CDH13: variants seen among roughly 807,000 people sequenced by gnomAD.
CDH13 encodes cadherin-13.
In CDH13, 24 loss-of-function variants were observed where a neutral mutation model predicts 63.8. The observed-to-expected ratio is 0.38, with a 90% CI of 0.27 to 0.53. CDH13 has a LOEUF of 0.53. CDH13 is among the 20% of genes least tolerant of loss of function. CDH13 has a pLI of 0.85. For missense variants in CDH13, 1,049 were observed against 903.1 expected, an observed-to-expected ratio of 1.16 and a Z score of -2.07; for synonymous variants, 503 against 355.3, an observed-to-expected ratio of 1.42 and a Z score of -4.67.
At position 83,795,059 on chromosome 16, in the gene CDH13, C is replaced by G. The variant is rs770079983; in HGVS notation, c.*29C>G. 15 of 1,573,738 alleles carry G rather than the reference C, an allele frequency of 9.5e-6. No homozygotes were observed. Among genetic ancestry groups the G allele is most frequent in the African/African-American group, 1.4e-5 (1 of 73,784 alleles). The stretch of plus-strand genomic sequence containing the variant: ...CTCCTGACGTCTGAAGCTTGACTCC[C>G]AAGTTTCCATAGCAACAGGAAAAAA... On this transcript the variant is annotated 3_prime_UTR_variant, in exon 14 of 14. Coordinates refer to ENST00000567109, the MANE Select transcript of CDH13 (RefSeq NM_001257.5).
At chr16:83,520,154 A>G (rs2074795618) in intron 7 of CDH13, among the ~76,000 whole-genome samples, 3 of 152,296 alleles carry the variant, frequency 2.0e-5, no homozygotes, top group Middle Eastern at 6.8e-3. Flanking sequence ...GAAACAATAC[A>G]TATGACTTCT....
chr16:83,218,933 C>G (rs942804054), intron 5 of CDH13, among the ~76,000 whole-genome samples: 1 of 152,134 alleles, frequency 6.6e-6, no homozygotes, highest in African/African-American at 2.4e-5. Context: ...TCTTGCCCAC[C>G]GTGTAAGAAG....
intron 6 of CDH13, among the ~76,000 whole-genome samples, chr16:83,428,531 C>G (rs1329778903): frequency 6.6e-6 from 1 of 152,032 alleles, no homozygotes; most frequent in African/African-American, 2.4e-5. Context: ...CTTTTCATAA[C>G]TTGTGATGTT....
At chr16:82,683,915 T>C (rs1914805432) in intron 1 of CDH13, among the ~76,000 whole-genome samples, 1 of 152,250 alleles carries the variant, frequency 6.6e-6, no homozygotes. Context: ...CTTTTTATTC[T>C]TTTACAGAAC....
intron 6 of CDH13, among the ~76,000 whole-genome samples, chr16:83,425,109 G>A (rs964487935): frequency 3.9e-5 from 6 of 152,156 alleles, no homozygotes; most frequent in Non-Finnish European, 8.8e-5. Flanking sequence ...TGATCCCACC[G>A]TTTGTCCATC....
At chr16:83,261,368 G>C (rs1467059988) in intron 5 of CDH13, among the ~76,000 whole-genome samples, 1 of 152,212 alleles carries the variant, frequency 6.6e-6, no homozygotes, top group African/African-American at 2.4e-5. Flanking sequence ...CTTCAGGGGA[G>C]AACTGGCAGT....
At chr16:83,364,515 C>G (rs1332453693) in intron 6 of CDH13, among the ~76,000 whole-genome samples, 1 of 152,194 alleles carries the variant, frequency 6.6e-6, no homozygotes, top group Non-Finnish European at 1.5e-5. Context: ...CACATCTTCT[C>G]TAAGACCATG....
At chr16:83,728,050 C>T (rs1017995690) in intron 10 of CDH13, among the ~76,000 whole-genome samples, 2 of 152,178 alleles carry the variant, frequency 1.3e-5, no homozygotes, top group Non-Finnish European at 2.9e-5. Context: ...CAAAGAGCCA[C>T]AGCTCCTCTG....
At chr16:82,855,682 A>C (rs1032340158) in intron 1 of CDH13, among the ~76,000 whole-genome samples, 1 of 152,218 alleles carries the variant, frequency 6.6e-6, no homozygotes, top group African/African-American at 2.4e-5. Flanking sequence ...TCCATGATTC[A>C]CAAGCGGAAC....
intron 2 of CDH13, among the ~76,000 whole-genome samples, chr16:83,019,418 A>G (rs1414835341): frequency 6.6e-6 from 1 of 151,744 alleles, no homozygotes; most frequent in African/African-American, 2.4e-5. Flanking sequence ...GCATGGAGCC[A>G]TCTCCTATGA....
chr16:82,776,684 G>T (rs551050616), intron 1 of CDH13, among the ~76,000 whole-genome samples: 133 of 152,268 alleles, frequency 8.7e-4, no homozygotes, highest in Non-Finnish European at 1.4e-3. Context: ...GTTGACTGTG[G>T]GTTCGGTTTT....
intron 6 of CDH13, among the ~76,000 whole-genome samples, chr16:83,388,274 C>G: frequency 6.8e-6 from 1 of 148,070 alleles, no homozygotes; most frequent in South Asian, 2.1e-4. Context: ...TGGAATAACC[C>G]TCTCTCTGGA....
At chr16:83,341,325 C>G (rs1020597312) in intron 5 of CDH13, among the ~76,000 whole-genome samples, 1 of 152,204 alleles carries the variant, frequency 6.6e-6, no homozygotes, top group African/African-American at 2.4e-5. Context: ...CGCTGGAATT[C>G]AAGAGCCTGA....
intron 3 of CDH13, among the ~76,000 whole-genome samples, chr16:83,053,938 G>C (rs1321705335): frequency 6.6e-6 from 1 of 152,168 alleles, no homozygotes; most frequent in Non-Finnish European, 1.5e-5. Flanking sequence ...GTCAATGACG[G>C]ACCACATATG....
At chr16:83,400,452 GT>G (rs1365680891) in intron 6 of CDH13, among the ~76,000 whole-genome samples, 1 of 152,136 alleles carries the variant, frequency 6.6e-6, no homozygotes, top group Non-Finnish European at 1.5e-5. Context: ...TCTGTGAGTG[GT>G]GCCCCCTAGA....
intron 1 of CDH13, among the ~76,000 whole-genome samples, chr16:82,791,297 T>A (rs1295850909): frequency 6.6e-6 from 1 of 151,184 alleles, no homozygotes; most frequent in Non-Finnish European, 1.5e-5. Flanking sequence ...CACACCCACT[T>A]TTAAACACGG....
At chr16:82,868,786 C>T (rs1020422832) in intron 2 of CDH13, among the ~76,000 whole-genome samples, 3 of 152,156 alleles carry the variant, frequency 2.0e-5, no homozygotes, top group Non-Finnish European at 4.4e-5. Context: ...TAGAATTTCA[C>T]CTTTAGAAAT....
chr16:82,742,397 A>G (rs1051243559), intron 1 of CDH13, among the ~76,000 whole-genome samples: 1 of 152,164 alleles, frequency 6.6e-6, no homozygotes, highest in Admixed American at 6.5e-5. Flanking sequence ...AGATCTAAAA[A>G]TATTTTAAAG....
intron 10 of CDH13, among the ~76,000 whole-genome samples, chr16:83,734,416 T>C (rs1434352160): frequency 6.6e-6 from 1 of 152,082 alleles, no homozygotes. Flanking sequence ...AGAGAGGAAA[T>C]GTAACCGTGT....
Sources: gnomAD v4.1 joint callset for allele counts (sites outside exome capture counted in the v4.1 genomes callset) on GRCh38, gnomAD v4.1.1 for gene constraint, MANE v1.5 for transcripts, NCBI Gene and HGNC (gene_info 2026-07-23, HGNC 2026-07-21) for gene names.